TAFA4: variants seen among roughly 807,000 people sequenced by gnomAD.
The protein encoded by TAFA4 is chemokine-like protein TAFA-4.
In TAFA4, 20 loss-of-function variants were observed where a neutral mutation model predicts 21.1. The ratio of observed to expected loss-of-function variants is 0.95; its 90% confidence interval spans 0.67 to 1.38. TAFA4 has a LOEUF of 1.38. Among genes scored for constraint, TAFA4 ranks in the 40% most tolerant of loss-of-function variants. TAFA4 has a pLI of 0.00. For missense variants in TAFA4, 211 were observed against 180.9 expected, an observed-to-expected ratio of 1.17 and a Z score of -0.95; for synonymous variants, 71 against 67.4, an observed-to-expected ratio of 1.05 and a Z score of -0.26.
At chr3:68,868,650 A>G (rs892808067) in intron 3 of TAFA4, among the ~76,000 whole-genome samples, 45 of 152,172 alleles carry the variant, frequency 3.0e-4, no homozygotes, top group African/African-American at 1.0e-3. Context: ...TTAAATGATC[A>G]ATGGGAAAAT....
intron 4 of TAFA4, 48 bp downstream of exon 4, chr3:68,752,815 G>C (rs1483156998): frequency 3.1e-6 from 5 of 1,613,056 alleles, no homozygotes; most frequent in African/African-American, 1.3e-5. Context: ...TTCCTGGTGG[G>C]TTTTGGCCTT....
At chr3:68,896,844 T>C (rs1235542840) in intron 1 of TAFA4, among the ~76,000 whole-genome samples, 5 of 152,204 alleles carry the variant, frequency 3.3e-5, no homozygotes, top group Non-Finnish European at 5.9e-5. Flanking sequence ...AAGGTCCAAG[T>C]TTCAACAATA....
intron 3 of TAFA4, among the ~76,000 whole-genome samples, chr3:68,816,106 C>T (rs1703968449): frequency 1.3e-5 from 2 of 151,508 alleles, no homozygotes; most frequent in South Asian, 4.2e-4. Context: ...ATAGGTGGGA[C>T]TTGAACAATG....
rs139921074 is a variant in TAFA4, at chr3:68,917,273, C to T, written c.-123+14967G>A. Reference sequence around the variant, plus strand: ...CATGGGGGTGTATTGCATATTTCCTCATCAGGTTAATGTAATGACAGATTT... The same window carrying T: ...CATGGGGGTGTATTGCATATTTCCTTATCAGGTTAATGTAATGACAGATTT... On this transcript the variant is annotated intron_variant, in intron 1 of 5. Transcript: ENST00000295569. 1.1e-3 allele frequency among the ~76,000 whole-genome samples: 170 copies of T among 152,280 alleles called. 2 individuals are homozygous for T. Among genetic ancestry groups the T allele is most frequent in the African/African-American group, 4.0e-3 (168 of 41,552 alleles).
intron 1 of TAFA4, among the ~76,000 whole-genome samples, chr3:68,927,842 G>A (rs960807168): frequency 6.6e-6 from 1 of 150,974 alleles, no homozygotes; most frequent in Non-Finnish European, 1.5e-5. Context: ...AGTTTGCAGA[G>A]AGCTGTGATC....
intron 4 of TAFA4, among the ~76,000 whole-genome samples, chr3:68,747,706 G>A (rs974499612): frequency 6.6e-6 from 1 of 152,130 alleles, no homozygotes. Flanking sequence ...TGCTGACGAG[G>A]TGACCTGTCA....
chr3:68,852,795 AC>A (rs1213584419), intron 3 of TAFA4, among the ~76,000 whole-genome samples: 2 of 152,160 alleles, frequency 1.3e-5, no homozygotes, highest in African/African-American at 2.4e-5. Context: ...ATTGTCACCT[AC>A]TAAAAATAAA....
chr3:68,734,152 TTATGTA>T (rs1559752461), intron 5 of TAFA4, among the ~76,000 whole-genome samples: 1 of 152,200 alleles, frequency 6.6e-6, no homozygotes, highest in African/African-American at 2.4e-5. Flanking sequence ...GTTCCAGACT[TTATGTA>T]TAGATGGTAA....
intron 3 of TAFA4, among the ~76,000 whole-genome samples, chr3:68,815,957 C>T (rs999926337): frequency 6.6e-6 from 1 of 152,210 alleles, no homozygotes; most frequent in African/African-American, 2.4e-5. Flanking sequence ...AAATGTGGCA[C>T]ATATACACCA....
At chr3:68,798,577 G>A (rs1206151224) in intron 3 of TAFA4, among the ~76,000 whole-genome samples, 3 of 152,212 alleles carry the variant, frequency 2.0e-5, no homozygotes, top group South Asian at 2.1e-4. Flanking sequence ...TGCTCATTTG[G>A]GGTATGCACA....
chr3:68,761,515 C>T (rs1431095493), intron 3 of TAFA4, among the ~76,000 whole-genome samples: 1 of 151,994 alleles, frequency 6.6e-6, no homozygotes, highest in African/African-American at 2.4e-5. Context: ...GGGGAAATGC[C>T]CTTGTGACTA....
chr3:68,906,772 G>A (rs967325475), intron 1 of TAFA4, among the ~76,000 whole-genome samples: 6 of 152,152 alleles, frequency 3.9e-5, no homozygotes, highest in Non-Finnish European at 8.8e-5. Context: ...GCTCACTCCT[G>A]TAATCTCAGC....
intron 3 of TAFA4, among the ~76,000 whole-genome samples, chr3:68,800,951 A>T (rs1483285676): frequency 6.6e-6 from 1 of 152,154 alleles, no homozygotes; most frequent in East Asian, 1.9e-4. Context: ...AAGAGGCAGG[A>T]ATTTGAGAAG....
chr3:68,881,963 A>C (rs949712212), intron 2 of TAFA4, among the ~76,000 whole-genome samples: 3 of 152,152 alleles, frequency 2.0e-5, no homozygotes, highest in African/African-American at 7.2e-5. Context: ...AGGCACACAC[A>C]TGTTCTGCTG....
At chr3:68,807,806 C>G (rs1703735480) in intron 3 of TAFA4, among the ~76,000 whole-genome samples, 1 of 152,070 alleles carries the variant, frequency 6.6e-6, no homozygotes, top group South Asian at 2.1e-4. Flanking sequence ...TTAAGTTCAC[C>G]AACCTAACAC....
intron 3 of TAFA4, among the ~76,000 whole-genome samples, chr3:68,842,680 T>C (rs1022435460): frequency 6.6e-6 from 1 of 152,234 alleles, no homozygotes; most frequent in Non-Finnish European, 1.5e-5. Context: ...GTTTTAGGTC[T>C]TATGTTTAAG....
intron 3 of TAFA4, among the ~76,000 whole-genome samples, chr3:68,783,203 C>A (rs571532501): frequency 1.3e-5 from 2 of 152,162 alleles, no homozygotes; most frequent in South Asian, 4.1e-4. Flanking sequence ...TGCATTCCCC[C>A]TAAGACTGGG....
intron 3 of TAFA4, among the ~76,000 whole-genome samples, chr3:68,810,083 A>G (rs988644001): frequency 5.9e-5 from 9 of 152,154 alleles, no homozygotes; most frequent in Admixed American, 6.5e-5. Context: ...CATGAATTTT[A>G]GAATTCTTTT....
chr3:68,740,729 A>G (rs889724025), intron 4 of TAFA4, among the ~76,000 whole-genome samples: 2 of 152,198 alleles, frequency 1.3e-5, no homozygotes, highest in Non-Finnish European at 2.9e-5. Context: ...TCTAAGATCA[A>G]TATCAAGGAC....
Sources: allele counts gnomAD v4.1 joint callset (sites outside exome capture counted in the v4.1 genomes callset), GRCh38; gene constraint gnomAD v4.1.1; transcripts MANE v1.5; gene names NCBI Gene and HGNC (gene_info 2026-07-23, HGNC 2026-07-21).